PPARGC1A: variants seen among roughly 807,000 people sequenced by gnomAD.
The protein encoded by PPARGC1A is peroxisome proliferator-activated receptor gamma coactivator 1-alpha.
Under a neutral mutation model 88.7 loss-of-function variants are expected in PPARGC1A, and 25 were observed. The observed-to-expected ratio is 0.28, with a 90% confidence interval of 0.21 to 0.39. The LOEUF (loss-of-function observed/expected upper bound fraction) is 0.39. Ranked by LOEUF, PPARGC1A falls within the 10% of genes least tolerant of loss-of-function variation. PPARGC1A has a pLI of 1.00. For synonymous variants in PPARGC1A, 363 were observed against 355.6 expected (o/e 1.02, Z -0.24); for missense variants, 880 against 968.7 (o/e 0.91, Z 1.22).
At chr4:24,253,951 A>G in the PPARGC1A span, among the ~76,000 whole-genome samples, 8 of 152,344 alleles carry the variant, frequency 5.3e-5, 1 homozygote, top group South Asian at 1.7e-3. Context: ...GGGGATACCA[A>G]TGATGGACCA....
At chr4:23,945,190 A>T in the PPARGC1A span, among the ~76,000 whole-genome samples, 2 of 152,104 alleles carry the variant, frequency 1.3e-5, no homozygotes, top group African/African-American at 2.4e-5. Context: ...GAACTTATAC[A>T]CCTAACATGA....
chr4:24,313,282 A>T, the PPARGC1A span, among the ~76,000 whole-genome samples: 1 of 152,186 alleles, frequency 6.6e-6, no homozygotes, highest in Non-Finnish European at 1.5e-5. Context: ...ATAATGGGAA[A>T]GGGAGGAAAA....
intron 2 of PPARGC1A, among the ~76,000 whole-genome samples, chr4:23,840,807 T>C (rs903651386): frequency 6.6e-6 from 1 of 152,174 alleles, no homozygotes; most frequent in Admixed American, 6.5e-5. Context: ...TTGTTGTTGT[T>C]ATTTTCTTTG....
At chr4:24,415,683 TAA>T in the PPARGC1A span, among the ~76,000 whole-genome samples, 1 of 152,228 alleles carries the variant, frequency 6.6e-6, no homozygotes, top group Non-Finnish European at 1.5e-5. Context: ...CGAATACATA[TAA>T]AGTTTGTTTT....
In PPARGC1A at chr4:23,813,791, C is replaced by A. The variant is rs1721396945; in HGVS notation, c.1692G>T (p.Arg564Ser). The change falls in exon 8 of 13, where the codon AGG becomes AGT. Residue 564 changes from arginine (R) to serine (S), a missense_variant. Arg to Ser is a moderately radical substitution (Grantham distance 110). Transcript: ENST00000264867. ...AAAAGGACCTTGAACGAGAGCGCAT[C>A]CTTTGGGGTCTTTGAGAAAATAAGG... Reference protein sequence around the residue: ...PKSLFSQRPQRMRSRSRSFSR... With the variant: ...PKSLFSQRPQSMRSRSRSFSR... 1.9e-6 allele frequency: 3 copies of A among 1,613,450 alleles called. No individual in the cohort carries two copies. The highest frequency in any genetic ancestry group is 1.3e-5 in the African/African-American group (1 of 74,878).
the PPARGC1A span, among the ~76,000 whole-genome samples, chr4:24,310,642 C>CTA: frequency 1.3e-5 from 2 of 152,124 alleles, no homozygotes; most frequent in African/African-American, 4.8e-5. Flanking sequence ...AAAAATTTTT[C>CTA]TATGTGAGTT....
chr4:24,043,898 A>G, the PPARGC1A span, among the ~76,000 whole-genome samples: 2 of 152,164 alleles, frequency 1.3e-5, no homozygotes, highest in Non-Finnish European at 2.9e-5. Flanking sequence ...CACAATATAA[A>G]TAACTTGGAA....
chr4:24,431,456 T>C, the PPARGC1A span, among the ~76,000 whole-genome samples: 1 of 152,240 alleles, frequency 6.6e-6, no homozygotes, highest in South Asian at 2.1e-4. Flanking sequence ...GATAGAAACA[T>C]GGATACAGAT....
chr4:23,857,614 T>G (rs573750084), intron 2 of PPARGC1A, among the ~76,000 whole-genome samples: 1 of 151,916 alleles, frequency 6.6e-6, no homozygotes, highest in East Asian at 2.0e-4. Context: ...TCATCCAGCT[T>G]TAAGACCTCA....
At chr4:24,421,017 G>A in the PPARGC1A span, among the ~76,000 whole-genome samples, 1 of 152,074 alleles carries the variant, frequency 6.6e-6, no homozygotes, top group Non-Finnish European at 1.5e-5. Flanking sequence ...ATTCTTGAGG[G>A]CAGAGCCCTC....
At chr4:23,918,516 G>C in the PPARGC1A span, among the ~76,000 whole-genome samples, 760 of 152,262 alleles carry the variant, frequency 5.0e-3, 37 homozygotes, top group East Asian at 0.1. Context: ...ACAGCACCCA[G>C]TCAAAAATAA....
chr4:24,369,948 A>G, the PPARGC1A span, among the ~76,000 whole-genome samples: 1 of 152,200 alleles, frequency 6.6e-6, no homozygotes, highest in Non-Finnish European at 1.5e-5. Flanking sequence ...CCACAGCAGT[A>G]AGCAATGTGC....
intron 5 of PPARGC1A, 25 bp downstream of exon 5, chr4:23,828,375 C>G (rs1724369604): frequency 6.3e-7 from 1 of 1,593,450 alleles, no homozygotes. Flanking sequence ...CCCTCACCAA[C>G]AGCTCGTTTT....
chr4:24,431,164 A>AAAGAC, the PPARGC1A span, among the ~76,000 whole-genome samples: 1 of 151,908 alleles, frequency 6.6e-6, no homozygotes, highest in Non-Finnish European at 1.5e-5. Flanking sequence ...AAGAAAAAGA[A>AAAGAC]AAGACAAGAA....
chr4:24,350,082 G>T, the PPARGC1A span, among the ~76,000 whole-genome samples: 1 of 152,196 alleles, frequency 6.6e-6, no homozygotes, highest in African/African-American at 2.4e-5. Flanking sequence ...CTTCTCCAGT[G>T]GGGGGTGTGT....
chr4:24,097,274 TG>T, the PPARGC1A span, among the ~76,000 whole-genome samples: 1 of 152,120 alleles, frequency 6.6e-6, no homozygotes, highest in Non-Finnish European at 1.5e-5. Flanking sequence ...CAAAAAAGTC[TG>T]GGGTGAAGGG....
At chr4:24,396,060 G>A in the PPARGC1A span, among the ~76,000 whole-genome samples, 1 of 152,012 alleles carries the variant, frequency 6.6e-6, no homozygotes, top group African/African-American at 2.4e-5. Context: ...ACAGGTGTCC[G>A]AGAGACTCAA....
the PPARGC1A span, among the ~76,000 whole-genome samples, chr4:24,207,298 C>A: frequency 1.3e-5 from 2 of 152,132 alleles, no homozygotes; most frequent in Non-Finnish European, 2.9e-5. Flanking sequence ...ATGACAGAAA[C>A]CGCATGCATA....
chr4:23,999,513 TTTGTTG>T, the PPARGC1A span, among the ~76,000 whole-genome samples: 1 of 152,166 alleles, frequency 6.6e-6, no homozygotes, highest in Non-Finnish European at 1.5e-5. Flanking sequence ...GGGTTGATTT[TTTGTTG>T]TTGTTGTTGT....
Sources: gnomAD v4.1 joint callset for allele counts (sites outside exome capture counted in the v4.1 genomes callset) on GRCh38, gnomAD v4.1.1 for gene constraint, MANE v1.5 for transcripts, NCBI Gene and HGNC (gene_info 2026-07-23, HGNC 2026-07-21) for gene names.